Variants in GPM6A observed in about 807,000 individuals in gnomAD.
GPM6A encodes the protein neuronal membrane glycoprotein M6-a.
GPM6A carries 7 observed loss-of-function variants against 32.1 expected under a neutral mutation model. That is an observed-to-expected ratio of 0.22 (90% CI 0.12 to 0.41). The LOEUF (loss-of-function observed/expected upper bound fraction) is 0.41, where lower values mean the gene tolerates loss of function less well. Ranked by LOEUF, GPM6A falls within the 10% of genes least tolerant of loss-of-function variation. The probability of loss-of-function intolerance (pLI) is 1.00; values close to 1 mark genes in which losing one functional copy is unlikely to be tolerated. For synonymous variants in GPM6A, 130 were observed against 123.4 expected, an observed-to-expected ratio of 1.05 and a Z score of -0.35; for missense variants, 235 against 347.2, an observed-to-expected ratio of 0.68 and a Z score of 2.57.
intron 1 of GPM6A, among the ~76,000 whole-genome samples, chr4:175,959,543 T>C (rs1244919534): frequency 6.6e-6 from 1 of 152,094 alleles, no homozygotes; most frequent in African/African-American, 2.4e-5. Context: ...GAGAAGAGCA[T>C]CAGAGCTTTA....
intron 1 of GPM6A, among the ~76,000 whole-genome samples, chr4:175,991,231 A>ATTTTTTTTTTTT (rs1554007435): frequency 8.4e-6 from 1 of 119,060 alleles, no homozygotes. Flanking sequence ...ACTCCCAGCT[A>ATTTTTTTTTTTT]TTTTTTTTTT....
At chr4:175,993,000 C>T (rs942443042) in intron 1 of GPM6A, among the ~76,000 whole-genome samples, 2 of 152,124 alleles carry the variant, frequency 1.3e-5, no homozygotes, top group Non-Finnish European at 2.9e-5. Flanking sequence ...TGCTATTCCA[C>T]GGCATTTTCA....
At chr4:175,823,632 T>C (rs1435640309) in intron 1 of GPM6A, among the ~76,000 whole-genome samples, 1 of 152,194 alleles carries the variant, frequency 6.6e-6, no homozygotes, top group Non-Finnish European at 1.5e-5. Context: ...TTACACTATA[T>C]GGTGCATAGA....
intron 1 of GPM6A, among the ~76,000 whole-genome samples, chr4:175,797,095 T>C (rs1168115230): frequency 6.6e-6 from 1 of 152,180 alleles, no homozygotes; most frequent in Non-Finnish European, 1.5e-5. Flanking sequence ...GAGAAGCTGC[T>C]AGTCATTTTA....
chr4:175,885,873 G>A (rs1737436744), intron 1 of GPM6A, among the ~76,000 whole-genome samples: 1 of 152,110 alleles, frequency 6.6e-6, no homozygotes, highest in Non-Finnish European at 1.5e-5. Context: ...GAGTTTTACT[G>A]TTTTTTAACA....
rs59162807 is a variant in GPM6A at position 175,662,531 on chromosome 4, C to T, written c.388-10544G>A. 2.6e-5 allele frequency among the ~76,000 whole-genome samples: 4 copies of T among 151,778 alleles called. No homozygotes were observed. In the East Asian group the frequency reaches 5.8e-4, roughly 22 times the overall value. On this transcript the variant is annotated intron_variant, in intron 3 of 6. Transcript: ENST00000393658. ...AGGAGAATCACTTGAACCTGGGAGG[C>T]GGAGATTGCAGTGAGCCGAGATCGC...
At chr4:175,933,828 G>A (rs898470089) in intron 1 of GPM6A, among the ~76,000 whole-genome samples, 6 of 152,192 alleles carry the variant, frequency 3.9e-5, no homozygotes, top group South Asian at 2.1e-4. Flanking sequence ...ACAGGCGTGA[G>A]CCACTGCGCC....
At chr4:175,970,305 C>A (rs1740461365) in intron 1 of GPM6A, among the ~76,000 whole-genome samples, 1 of 152,140 alleles carries the variant, frequency 6.6e-6, no homozygotes, top group South Asian at 2.1e-4. Flanking sequence ...CTCATTGCAG[C>A]AAACACATGA....
intron 2 of GPM6A, among the ~76,000 whole-genome samples, chr4:175,674,706 G>T (rs1480894323): frequency 6.6e-6 from 1 of 152,118 alleles, no homozygotes; most frequent in Non-Finnish European, 1.5e-5. Context: ...TACACATCAT[G>T]TGTATTTGTT....
intron 4 of GPM6A, among the ~76,000 whole-genome samples, chr4:175,650,920 C>T (rs1392623964): frequency 6.6e-6 from 1 of 152,092 alleles, no homozygotes; most frequent in Non-Finnish European, 1.5e-5. Context: ...TATGGATTTG[C>T]ATGTCTTTTA....
At chr4:175,962,119 A>C in intron 1 of GPM6A, 1 of 766,534 alleles carries the variant, frequency 1.3e-6, no homozygotes. Flanking sequence ...GCTGTGCACC[A>C]TCCGGACCCA....
intron 1 of GPM6A, among the ~76,000 whole-genome samples, chr4:175,856,341 T>A (rs537162262): frequency 6.6e-6 from 1 of 152,300 alleles, no homozygotes; most frequent in Non-Finnish European, 1.5e-5. Context: ...CCTGGCTCAT[T>A]TGCTCAAACT....
intron 1 of GPM6A, among the ~76,000 whole-genome samples, chr4:175,818,807 T>G (rs1439051482): frequency 6.6e-6 from 1 of 152,118 alleles, no homozygotes; most frequent in Non-Finnish European, 1.5e-5. Context: ...AAAACGATAA[T>G]GAGATATTTC....
intron 1 of GPM6A, among the ~76,000 whole-genome samples, chr4:175,937,909 G>C (rs1406524893): frequency 6.6e-6 from 1 of 151,952 alleles, no homozygotes; most frequent in African/African-American, 2.4e-5. Flanking sequence ...TAGATCAAAA[G>C]CTGAAATAAA....
intron 1 of GPM6A, among the ~76,000 whole-genome samples, chr4:175,883,476 G>C (rs192462215): frequency 7.0e-4 from 106 of 152,098 alleles, no homozygotes; most frequent in African/African-American, 2.3e-3. Context: ...AATCCAGTAA[G>C]CATTTTATAC....
chr4:175,760,386 T>C (rs1007430063), intron 1 of GPM6A, among the ~76,000 whole-genome samples: 6 of 151,922 alleles, frequency 3.9e-5, no homozygotes, highest in African/African-American at 1.4e-4. Flanking sequence ...AAGAAGCAGG[T>C]GTATAAGATG....
chr4:175,908,144 T>C (rs907111208), intron 1 of GPM6A, among the ~76,000 whole-genome samples: 3 of 152,186 alleles, frequency 2.0e-5, no homozygotes, highest in African/African-American at 7.2e-5. Context: ...CACTTATTAC[T>C]ATGTAATTTA....
At chr4:175,772,864 A>T (rs1225693030) in intron 1 of GPM6A, among the ~76,000 whole-genome samples, 1 of 152,182 alleles carries the variant, frequency 6.6e-6, no homozygotes, top group Non-Finnish European at 1.5e-5. Context: ...AATCAAATGG[A>T]AGCAGGGCAA....
intron 4 of GPM6A, 81 bp from the exon 5 acceptor site, chr4:175,640,910 C>G: frequency 1.3e-6 from 1 of 786,344 alleles, no homozygotes; most frequent in Non-Finnish European, 2.2e-6. Context: ...TTTTGCTAAT[C>G]AAATCTAAGC....
Sources: gnomAD v4.1 joint callset for allele counts (sites outside exome capture counted in the v4.1 genomes callset) on GRCh38, gnomAD v4.1.1 for gene constraint, MANE v1.5 for transcripts, NCBI Gene and HGNC (gene_info 2026-07-23, HGNC 2026-07-21) for gene names.